Variants in KAZN observed in about 807,000 individuals in gnomAD.
KAZN encodes kazrin.
KAZN carries 40 observed loss-of-function variants against 87.4 expected under a neutral mutation model. The observed-to-expected ratio is 0.46, with a 90% CI of 0.36 to 0.60. KAZN has a LOEUF of 0.60. Among genes scored for constraint, KAZN ranks in the 20% least tolerant of loss-of-function variants. The pLI is 0.00. For missense variants in KAZN, 898 were observed against 1,073.9 expected (o/e 0.84, Z 2.29); for synonymous variants, 466 against 458.3 (o/e 1.02, Z -0.22).
chr1:14,988,180 GGAA>G (rs1454085553), intron 2 of KAZN, among the ~76,000 whole-genome samples: 1 of 152,236 alleles, frequency 6.6e-6, no homozygotes, highest in East Asian at 1.9e-4. Context: ...TCCCTTGAGA[GGAA>G]GAAGGAGCTG....
chr1:14,479,538 A>G (rs889114035), intron 2 of KAZN, among the ~76,000 whole-genome samples: 1 of 152,122 alleles, frequency 6.6e-6, no homozygotes, highest in Non-Finnish European at 1.5e-5. Flanking sequence ...CACGTTGCCT[A>G]TGCTGTTCCC....
At chr1:14,245,159 T>G (rs2100590938) in intron 2 of KAZN, among the ~76,000 whole-genome samples, 1 of 152,062 alleles carries the variant, frequency 6.6e-6, no homozygotes, top group East Asian at 1.9e-4. Context: ...GAGTTGGGGT[T>G]TCACCGTGTT....
At chr1:14,036,299 G>A (rs1641555735) in intron 1 of KAZN, among the ~76,000 whole-genome samples, 1 of 152,168 alleles carries the variant, frequency 6.6e-6, no homozygotes, top group Admixed American at 6.5e-5. Flanking sequence ...ATTGGGAGAT[G>A]CTAACTCAGT....
At chr1:14,295,489 A>G (rs1176701202) in intron 2 of KAZN, among the ~76,000 whole-genome samples, 1 of 152,168 alleles carries the variant, frequency 6.6e-6, no homozygotes, top group Non-Finnish European at 1.5e-5. Context: ...CACATGCAGA[A>G]AGTGGGAGAC....
chr1:14,083,919 C>A (rs1467522600), intron 1 of KAZN, among the ~76,000 whole-genome samples: 1 of 152,210 alleles, frequency 6.6e-6, no homozygotes, highest in East Asian at 1.9e-4. Flanking sequence ...GTGTGTTAGT[C>A]ATTGTCCTAG....
At chr1:15,039,786 C>T (rs1159061695) in intron 3 of KAZN, among the ~76,000 whole-genome samples, 1 of 152,094 alleles carries the variant, frequency 6.6e-6, no homozygotes, top group Non-Finnish European at 1.5e-5. Flanking sequence ...AGGGGCATCC[C>T]CCAAGTCTGA....
intron 1 of KAZN, among the ~76,000 whole-genome samples, chr1:14,764,428 T>C (rs543121035): frequency 1.1e-3 from 161 of 146,642 alleles, no homozygotes; most frequent in African/African-American, 3.8e-3. Flanking sequence ...TTCCTTTTTT[T>C]CCCAACCTTC....
intron 2 of KAZN, among the ~76,000 whole-genome samples, chr1:14,209,329 A>G (rs1646807037): frequency 6.6e-6 from 1 of 152,164 alleles, no homozygotes; most frequent in Non-Finnish European, 1.5e-5. Flanking sequence ...TTGGTGTGGC[A>G]TGGGGGAGAC....
intron 2 of KAZN, among the ~76,000 whole-genome samples, chr1:14,970,338 C>T (rs72869242): frequency 0.01 from 1,580 of 152,238 alleles, 28 homozygotes; most frequent in African/African-American, 0.036. Flanking sequence ...CCCTGTATCA[C>T]GTGGGCGGGG....
At chr1:14,747,951 T>C (rs747047723) in intron 1 of KAZN, among the ~76,000 whole-genome samples, 3 of 152,246 alleles carry the variant, frequency 2.0e-5, no homozygotes, top group Non-Finnish European at 4.4e-5. Context: ...AATTGTTCTC[T>C]AGGTTTCCAG....
chr1:13,897,229 G>A (rs369206119), intron 1 of KAZN, among the ~76,000 whole-genome samples: 42 of 152,224 alleles, frequency 2.8e-4, no homozygotes, highest in South Asian at 2.5e-3. Context: ...GAAACCATGC[G>A]AACCATAAAG....
chr1:14,662,042 C>T (rs1292874099), intron 1 of KAZN, among the ~76,000 whole-genome samples: 2 of 152,170 alleles, frequency 1.3e-5, no homozygotes, highest in Non-Finnish European at 2.9e-5. Flanking sequence ...TACCATGAGC[C>T]TCAGTCTCTT....
At chr1:14,206,977 T>TTC (rs1387454709) in intron 2 of KAZN, among the ~76,000 whole-genome samples, 1 of 151,652 alleles carries the variant, frequency 6.6e-6, no homozygotes, top group East Asian at 1.9e-4. Flanking sequence ...TTCTTTTTTT[T>TTC]TTTGAGATGG....
At chr1:13,964,621 G>T (rs889431180) in intron 1 of KAZN, among the ~76,000 whole-genome samples, 1 of 152,160 alleles carries the variant, frequency 6.6e-6, no homozygotes, top group Non-Finnish European at 1.5e-5. Context: ...GCTTGCTTTC[G>T]TGGTAGAAGC....
intron 1 of KAZN, among the ~76,000 whole-genome samples, chr1:14,832,386 A>C (rs1647075600): frequency 6.6e-6 from 1 of 152,064 alleles, no homozygotes; most frequent in African/African-American, 2.4e-5. Flanking sequence ...ACACATCCTT[A>C]CTGCTCAGCA....
At chr1:14,061,828 A>G (rs1454116558) in intron 1 of KAZN, among the ~76,000 whole-genome samples, 3 of 152,124 alleles carry the variant, frequency 2.0e-5, no homozygotes, top group African/African-American at 7.2e-5. Flanking sequence ...CGGAGTGGAG[A>G]ATGGGTGTGA....
chr1:14,627,085 A>AG (rs1185324832), intron 1 of KAZN, among the ~76,000 whole-genome samples: 1 of 152,000 alleles, frequency 6.6e-6, no homozygotes, highest in Non-Finnish European at 1.5e-5. Context: ...ACAGACCAGT[A>AG]GGGGGAAAGA....
At chr1:14,471,179 T>A (rs1422472095) in intron 2 of KAZN, among the ~76,000 whole-genome samples, 1 of 152,208 alleles carries the variant, frequency 6.6e-6, no homozygotes, top group Non-Finnish European at 1.5e-5. Context: ...TAAATGTTAT[T>A]GTTCTCAGCC....
At chr1:14,320,663 T>G (rs1484933778) in intron 2 of KAZN, among the ~76,000 whole-genome samples, 3 of 152,218 alleles carry the variant, frequency 2.0e-5, no homozygotes, top group African/African-American at 7.2e-5. Context: ...CAATATTTCC[T>G]GGCAGTTGCT....
Sources: allele counts gnomAD v4.1 joint callset (sites outside exome capture counted in the v4.1 genomes callset), GRCh38; gene constraint gnomAD v4.1.1; transcripts MANE v1.5; gene names NCBI Gene and HGNC (gene_info 2026-07-23, HGNC 2026-07-21).